Variants in NDST3 observed in about 807,000 individuals in gnomAD.
NDST3 encodes the protein bifunctional heparan sulfate N-deacetylase/N-sulfotransferase 3.
NDST3 carries 58 observed loss-of-function variants against 96.1 expected under a neutral mutation model. The observed-to-expected ratio is 0.60, with a 90% CI of 0.49 to 0.75. The LOEUF is 0.75. Among genes scored for constraint, NDST3 ranks in the 30% least tolerant of loss-of-function variants. The pLI is 0.00. For missense variants in NDST3, 788 were observed against 1,034.2 expected (o/e 0.76, Z 3.27); for synonymous variants, 333 against 359.7 (o/e 0.93, Z 0.84).
chr4:118,049,932 GA>G (rs760490319), intron 1 of NDST3, among the ~76,000 whole-genome samples: 1 of 151,544 alleles, frequency 6.6e-6, no homozygotes, highest in Admixed American at 6.6e-5. Context: ...ACACAATGAA[GA>G]AAAAAAACTT....
intron 1 of NDST3, among the ~76,000 whole-genome samples, chr4:118,040,438 C>T (rs1724378186): frequency 1.3e-5 from 2 of 151,876 alleles, no homozygotes; most frequent in Middle Eastern, 3.4e-3. Context: ...GATTGAGCCT[C>T]TTTCTTTCTT....
Position 118,084,800 on chromosome 4 carries a change from C to T in NDST3, c.982-20218C>T, listed in dbSNP as rs571287646. Among the ~76,000 whole-genome samples, 12 of 152,200 alleles carry T rather than the reference C, an allele frequency of 7.9e-5. 1 individual carries two copies. The highest frequency in any genetic ancestry group is 2.0e-4 in the Admixed American group (3 of 15,270). On this transcript the variant is annotated intron_variant, in intron 2 of 13. Transcript: ENST00000296499. ...AATTTTGTTTCTTACCAACTCTGCA[C>T]GAAAGCCAATTAAACATTATTTAAA...
chr4:118,084,183 G>C (rs1728233716), intron 2 of NDST3, among the ~76,000 whole-genome samples: 1 of 151,902 alleles, frequency 6.6e-6, no homozygotes, highest in Non-Finnish European at 1.5e-5. Context: ...CTGTATTTCG[G>C]ATTCCTGCTA....
intron 5 of NDST3, among the ~76,000 whole-genome samples, chr4:118,142,918 C>G (rs1051224105): frequency 2.6e-5 from 4 of 152,088 alleles, no homozygotes; most frequent in African/African-American, 7.2e-5. Context: ...TTTGTTGTTA[C>G]ACTTTCTAAA....
At chr4:118,149,374 T>A (rs928538378) in intron 6 of NDST3, among the ~76,000 whole-genome samples, 1 of 152,082 alleles carries the variant, frequency 6.6e-6, no homozygotes, top group African/African-American at 2.4e-5. Context: ...ATATTGATTC[T>A]TCCTACCCAA....
chr4:118,158,856 C>T (rs1392481149), intron 6 of NDST3, among the ~76,000 whole-genome samples: 1 of 152,176 alleles, frequency 6.6e-6, no homozygotes, highest in Admixed American at 6.5e-5. Flanking sequence ...ATCCTCCTTC[C>T]TTCCATAGAG....
At chr4:118,035,479 T>C (rs767088993) in intron 1 of NDST3, among the ~76,000 whole-genome samples, 11 of 151,002 alleles carry the variant, frequency 7.3e-5, no homozygotes, top group South Asian at 2.1e-4. Context: ...TGTTATCAAC[T>C]ACTGAGCAAT....
chr4:118,184,466 C>G (rs1242364222), intron 6 of NDST3, among the ~76,000 whole-genome samples: 2 of 152,010 alleles, frequency 1.3e-5, no homozygotes, highest in African/African-American at 4.8e-5. Flanking sequence ...CAAACTGCAA[C>G]TCTTCTCTGT....
At chr4:118,130,200 C>T (rs1023507956) in intron 4 of NDST3, among the ~76,000 whole-genome samples, 5 of 151,912 alleles carry the variant, frequency 3.3e-5, no homozygotes, top group Non-Finnish European at 4.4e-5. Flanking sequence ...TGATTATTTA[C>T]GTGTAGAAAC....
intron 9 of NDST3, 121 bp downstream of exon 9, chr4:118,233,256 G>A (rs1740428847): frequency 2.3e-6 from 2 of 867,108 alleles, no homozygotes; most frequent in Non-Finnish European, 3.2e-6. Context: ...TCTGTGCCTT[G>A]GAAATTGATT....
chr4:118,058,877 G>A (rs1391860155), intron 2 of NDST3, among the ~76,000 whole-genome samples: 3 of 151,992 alleles, frequency 2.0e-5, no homozygotes, highest in Non-Finnish European at 2.9e-5. Context: ...GATCTTTTAG[G>A]CGCATTAACT....
At position 118,077,487 on chromosome 4, in the gene NDST3, A is replaced by T. The variant is rs575385785; in HGVS notation, c.981+22596A>T. On this transcript the variant is annotated intron_variant, in intron 2 of 13. Transcript: ENST00000296499. ...TGTGGTAGCAGGGGAGAGAGATGAC[A>T]CCCTCACCTAATCTGCTCCTGGGTC... Among the ~76,000 whole-genome samples the T allele has an allele frequency of 2.0e-5, 3 of 152,146 alleles. No individual in the cohort carries two copies. The East Asian group carries it at 5.8e-4, about 29-fold the overall frequency.
At chr4:118,100,466 T>C (rs1729674579) in intron 2 of NDST3, among the ~76,000 whole-genome samples, 1 of 152,086 alleles carries the variant, frequency 6.6e-6, no homozygotes, top group Admixed American at 6.6e-5. Flanking sequence ...CATATCTATT[T>C]CCTATCGTCC....
chr4:118,163,775 GA>G (rs1211036100), intron 6 of NDST3, among the ~76,000 whole-genome samples: 3 of 151,550 alleles, frequency 2.0e-5, no homozygotes, highest in Non-Finnish European at 4.4e-5. Context: ...AATAAAATAA[GA>G]AAAATGTAAA....
In NDST3 at chr4:118,238,159, G is replaced by GAAAGA. The variant is rs1429691690; in HGVS notation, c.2118+942_2118+946dup. On this transcript the variant is annotated intron_variant, in intron 10 of 13. Transcript: ENST00000296499. ...AGAGAGAGAGAGAAAAGAAAGAAAA[G>GAAAGA]AAAGAAAGAAAGAAAGAAAGAAAGA... Among the ~76,000 whole-genome samples the GAAAGA allele has an allele frequency of 3.4e-3, 15 of 4,404 alleles. No individual in the cohort carries two copies. The East Asian group carries it at 0.076, about 22-fold the overall frequency. The allele number at this position is 4,404 out of a possible 152,430, so 2.9% of individuals were successfully genotyped here.
upstream of NDST3, chr4:118,033,571 C>T (rs565046974): frequency 2.7e-3 from 411 of 151,860 alleles, no homozygotes; most frequent in Non-Finnish European, 4.0e-3. Flanking sequence ...GGCGGGCGCG[C>T]GCGGGCCGGG....
chr4:118,116,315 A>G (rs1731095048), intron 4 of NDST3, among the ~76,000 whole-genome samples: 1 of 152,216 alleles, frequency 6.6e-6, no homozygotes, highest in Non-Finnish European at 1.5e-5. Context: ...ACGTAAATAC[A>G]CTAAAGTAAA....
At chr4:118,181,019 C>G (rs1478282314) in intron 6 of NDST3, among the ~76,000 whole-genome samples, 1 of 152,028 alleles carries the variant, frequency 6.6e-6, no homozygotes, top group African/African-American at 2.4e-5. Context: ...TCCTTGGTAC[C>G]CAAAATGCCA....
intron 4 of NDST3, among the ~76,000 whole-genome samples, chr4:118,127,461 A>G (rs1732205908): frequency 6.6e-6 from 1 of 151,930 alleles, no homozygotes; most frequent in South Asian, 2.1e-4. Context: ...CCTTTCTCCA[A>G]TGTATGTTCT....
Sources: gnomAD v4.1 joint callset for allele counts (sites outside exome capture counted in the v4.1 genomes callset) on GRCh38, gnomAD v4.1.1 for gene constraint, MANE v1.5 for transcripts, NCBI Gene and HGNC (gene_info 2026-07-23, HGNC 2026-07-21) for gene names.